ZFHX3: variants seen among roughly 807,000 people sequenced by gnomAD.
The protein encoded by ZFHX3 is zinc finger homeobox 3.
Under a neutral mutation model 279.1 loss-of-function variants are expected in ZFHX3, and 42 were observed. The ratio of observed to expected loss-of-function variants is 0.15; its 90% confidence interval spans 0.12 to 0.19. ZFHX3 has a LOEUF of 0.19. Ranked by LOEUF, ZFHX3 falls within the 10% of genes least tolerant of loss-of-function variation. The pLI is 1.00. For synonymous variants in ZFHX3, 2,293 were observed against 1,957.8 expected, an observed-to-expected ratio of 1.17 and a Z score of -4.52; for missense variants, 4,981 against 4,754.0, an observed-to-expected ratio of 1.05 and a Z score of -1.40.
At chr16:73,339,847 AG>A (rs2015996150) in intron 3 of ZFHX3, among the ~76,000 whole-genome samples, 1 of 152,218 alleles carries the variant, frequency 6.6e-6, no homozygotes, top group Non-Finnish European at 1.5e-5. Context: ...GGTGAAAGAA[AG>A]GTAGCAGCTG....
At chr16:73,294,521 G>A (rs1482350394) in intron 4 of ZFHX3, among the ~76,000 whole-genome samples, 3 of 152,192 alleles carry the variant, frequency 2.0e-5, no homozygotes, top group African/African-American at 7.2e-5. Flanking sequence ...TTTAAAAACA[G>A]GCCTGGGGGC....
chr16:72,957,354 A>C (rs1198671261), intron 2 of ZFHX3, 73 bp downstream of exon 2: 6 of 1,509,850 alleles, frequency 4.0e-6, no homozygotes, highest in Non-Finnish European at 1.8e-6. Flanking sequence ...CCACAGGACT[A>C]TCTCACCCTA....
At chr16:73,476,823 T>C (rs2018774220) in intron 2 of ZFHX3, among the ~76,000 whole-genome samples, 1 of 152,214 alleles carries the variant, frequency 6.6e-6, no homozygotes, top group South Asian at 2.1e-4. Context: ...GTATTAACAA[T>C]AAGTCAGATG....
chr16:73,305,682 G>A (rs2015164865), intron 4 of ZFHX3, among the ~76,000 whole-genome samples: 1 of 151,916 alleles, frequency 6.6e-6, no homozygotes, highest in Non-Finnish European at 1.5e-5. Flanking sequence ...CTTCCTTGTA[G>A]TGCCCCAAGT....
intron 1 of ZFHX3, among the ~76,000 whole-genome samples, chr16:73,009,036 C>T (rs80050301): frequency 0.042 from 6,382 of 152,056 alleles, 191 homozygotes; most frequent in Non-Finnish European, 0.062. Context: ...AGTACAGTAG[C>T]CAGTTCCCTG....
At position 73,321,320 on chromosome 16, in the gene ZFHX3, C is replaced by T. The variant is rs139273206; in HGVS notation, c.-1290-2984G>A. 3.5e-3 allele frequency among the ~76,000 whole-genome samples: 530 copies of T among 152,262 alleles called. 3 individuals carry two copies. Among genetic ancestry groups the T allele is most frequent in the African/African-American group, 0.012 (489 of 41,550 alleles). ...ACTTTGCATTAGAGACCTGCTGTCA[C>T]TAGCTAGCCTGGTGACCTCTCTGAG... is the stretch of plus-strand genomic sequence containing the variant. On this transcript the variant is annotated intron_variant, in intron 3 of 17. Coordinates refer to the ZFHX3 transcript ENST00000641206.
chr16:73,774,115 G>T (rs531595781), intron 1 of ZFHX3, among the ~76,000 whole-genome samples: 22 of 151,672 alleles, frequency 1.5e-4, no homozygotes, highest in African/African-American at 5.1e-4. Flanking sequence ...AGCTGACAGA[G>T]CAATATACTG....
At chr16:73,388,918 A>G (rs745770270) in intron 3 of ZFHX3, 1 of 152,224 alleles carries the variant, frequency 6.6e-6, no homozygotes, top group Non-Finnish European at 1.5e-5. Context: ...TCTTTACATC[A>G]CGACGACAGA....
intron 4 of ZFHX3, 98 bp from the exon 5 acceptor site, chr16:72,829,957 C>A (rs924626895): frequency 8.1e-7 from 1 of 1,229,280 alleles, no homozygotes; most frequent in Non-Finnish European, 1.2e-6. Flanking sequence ...AGAACAGACA[C>A]CAATGACTCG....
chr16:73,036,011 A>G (rs1964887664), intron 1 of ZFHX3, among the ~76,000 whole-genome samples: 1 of 152,258 alleles, frequency 6.6e-6, no homozygotes, highest in Non-Finnish European at 1.5e-5. Context: ...TCTTACTATC[A>G]AGAGAAGACT....
chr16:72,949,647 A>G (rs1347459789), intron 3 of ZFHX3, among the ~76,000 whole-genome samples: 1 of 151,948 alleles, frequency 6.6e-6, no homozygotes, highest in Non-Finnish European at 1.5e-5. Flanking sequence ...GAAAGAGGGA[A>G]GAGGAGAAGA....
upstream of ZFHX3, among the ~76,000 whole-genome samples, chr16:73,050,638 A>G (rs1965431679): frequency 6.6e-6 from 1 of 152,176 alleles, no homozygotes; most frequent in Non-Finnish European, 1.5e-5. Context: ...TACTCCTTGC[A>G]AATTCTATCC....
At chr16:73,428,109 C>A (rs910793082) in intron 3 of ZFHX3, among the ~76,000 whole-genome samples, 1 of 152,084 alleles carries the variant, frequency 6.6e-6, no homozygotes, top group Non-Finnish European at 1.5e-5. Flanking sequence ...AATGAAAGGA[C>A]AGAATTTCTC....
At chr16:73,145,327 C>CCAGGGGCCAATGT (rs1165975997) in intron 5 of ZFHX3, among the ~76,000 whole-genome samples, 1 of 152,174 alleles carries the variant, frequency 6.6e-6, no homozygotes, top group Admixed American at 6.5e-5. Flanking sequence ...GGGTCCAATG[C>CCAGGGGCCAATGT]CAGGGGCCAA....
intron 5 of ZFHX3, among the ~76,000 whole-genome samples, chr16:73,215,777 C>G (rs992740293): frequency 1.2e-4 from 19 of 152,126 alleles, no homozygotes; most frequent in African/African-American, 4.6e-4. Flanking sequence ...TGGTTCTTTG[C>G]ATTAAAGGTG....
intron 2 of ZFHX3, among the ~76,000 whole-genome samples, chr16:73,517,012 G>T (rs2019534217): frequency 6.6e-6 from 1 of 152,140 alleles, no homozygotes; most frequent in African/African-American, 2.4e-5. Context: ...CACATTTAGG[G>T]TAATTATTCC....
chr16:73,742,464 A>AT (rs1356897358), intron 1 of ZFHX3, among the ~76,000 whole-genome samples: 1 of 152,218 alleles, frequency 6.6e-6, no homozygotes, highest in Admixed American at 6.5e-5. Flanking sequence ...CATTTAGAAG[A>AT]TAACTGGATG....
chr16:73,320,694 A>T (rs1372273651), intron 3 of ZFHX3, among the ~76,000 whole-genome samples: 2 of 152,178 alleles, frequency 1.3e-5, no homozygotes, highest in Non-Finnish European at 2.9e-5. Flanking sequence ...GGGCTCTGTC[A>T]TCCCATTGAA....
At chr16:72,909,049 G>A (rs1231797461) in intron 3 of ZFHX3, among the ~76,000 whole-genome samples, 1 of 152,184 alleles carries the variant, frequency 6.6e-6, no homozygotes, top group Non-Finnish European at 1.5e-5. Context: ...CATGAAACCA[G>A]GGCCATTGCA....
Sources: allele counts gnomAD v4.1 joint callset (sites outside exome capture counted in the v4.1 genomes callset), GRCh38; gene constraint gnomAD v4.1.1; transcripts MANE v1.5; gene names NCBI Gene and HGNC (gene_info 2026-07-23, HGNC 2026-07-21).